The following ZMAT1 variants were observed in gnomAD, a reference collection of about 807,000 sequenced individuals.
The protein encoded by ZMAT1 is zinc finger matrin-type protein 1.
In ZMAT1, 11 loss-of-function variants were observed where a neutral mutation model predicts 18.5. That is an observed-to-expected ratio of 0.59 (90% confidence interval 0.37 to 0.98). ZMAT1 has a LOEUF of 0.98. ZMAT1 is among the 50% of genes least tolerant of loss of function. ZMAT1 has a pLI of 0.01. For synonymous variants in ZMAT1, 211 were observed against 176.4 expected (o/e 1.20, Z -1.55); for missense variants, 525 against 496.2 (o/e 1.06, Z -0.55).
At chrX:101,901,050 A>AT (rs982534270) in intron 2 of ZMAT1, among the ~76,000 whole-genome samples, 4 of 108,845 alleles carry the variant, frequency 3.7e-5, no homozygotes, top group African/African-American at 1.0e-4. Context: ...TATATTCCTA[A>AT]TTTTTTTTTC....
At chrX:101,912,217 A>G (rs1929017187) in intron 1 of ZMAT1, 3 of 400,215 alleles carry the variant, frequency 7.5e-6, no homozygotes, top group Non-Finnish European at 1.2e-5. Context: ...ACCCTCAGAG[A>G]GTTCACACTG....
At position 101,892,080 on chromosome X, in the gene ZMAT1, C is replaced by T. The variant is rs1363049188; in HGVS notation, c.677-5349G>A. ...AGAAGTGTGAAGAGAAGGAGTGTAG[C>T]GGGGGAAGAGAGTCTTGAAGAATGA... On this transcript the variant is annotated intron_variant, in intron 4 of 5. Transcript: ENST00000651725. 2.7e-5 allele frequency among the ~76,000 whole-genome samples: 3 copies of T among 110,295 alleles called. No homozygotes were observed. In the South Asian group the frequency reaches 1.2e-3, roughly 43 times the overall value.
chrX:101,896,250 C>T (rs762689318), intron 4 of ZMAT1, among the ~76,000 whole-genome samples: 3 of 111,699 alleles, frequency 2.7e-5, no homozygotes, highest in South Asian at 3.7e-4. Context: ...CAAAGTAAGG[C>T]GTCTATTCAT....
At chrX:101,901,410 A>G (rs1394824220) in intron 2 of ZMAT1, among the ~76,000 whole-genome samples, 2 of 110,658 alleles carry the variant, frequency 1.8e-5, no homozygotes, top group Non-Finnish European at 3.8e-5. Flanking sequence ...ATGCCTTTCA[A>G]CTTTTCCCTA....
chrX:101,911,247 A>T (rs1210807038), intron 1 of ZMAT1, among the ~76,000 whole-genome samples: 1 of 112,145 alleles, frequency 8.9e-6, no homozygotes, highest in Non-Finnish European at 1.9e-5. Context: ...GACGGATTTC[A>T]TCAATACCAG....
At position 101,883,484 on chromosome X, in the gene ZMAT1, A is replaced by G. The variant is rs751530869; in HGVS notation, c.*26T>C. 49 of 1,108,486 alleles carry G rather than the reference A, an allele frequency of 4.4e-5. No homozygotes were observed. Among genetic ancestry groups the G allele is most frequent in the Non-Finnish European group, 5.8e-5 (49 of 837,741 alleles). The allele number at this position is 1,108,486 out of a possible 1,213,427, so 91.4% of individuals were successfully genotyped here. ...ATTGACTGTTTTTTTTTTTCAATTC[A>G]ACCTTGGGTAAACAAAACTAAACAT... On this transcript the variant is annotated 3_prime_UTR_variant, in exon 6 of 6. Transcript: ENST00000651725.
Position 101,931,962 on chromosome X carries a change from G to C in ZMAT1, c.47C>G (p.Ser16Cys). 1.3e-6 allele frequency: 1 copy of C among 772,878 alleles called. No individual in the cohort carries two copies. Among genetic ancestry groups the C allele is most frequent in the Non-Finnish European group, 1.5e-6 (1 of 651,806 alleles). 63.7% of individuals were successfully genotyped at this position (772,878 alleles called of 1,213,427 possible). A position where few individuals can be genotyped will look rare whatever the true frequency, so the allele number is the denominator to read the frequency against. The stretch of plus-strand genomic sequence containing the variant: ...GGCAGAGACGGTAGCTTCCTGAGGG[G>C]AAGACTCCGCCGCCAGCGGGGTGAC... ...STVTPLAAES[S>C]PQEATVSAAS... is the part of the protein sequence containing the mutation. Residue 16 changes from serine to cysteine, a missense_variant, in exon 1 of 6, where the codon TCC becomes TGC. Physicochemically the swap from Ser to Cys is moderately radical, Grantham distance 112. Transcript: ENST00000651725.
intron 1 of ZMAT1, among the ~76,000 whole-genome samples, chrX:101,909,040 AGAG>A (rs1451677974): frequency 1.8e-5 from 2 of 108,693 alleles, no homozygotes; most frequent in African/African-American, 6.7e-5. Flanking sequence ...GAGAGGTAAG[AGAG>A]GAGAGGACTT....
At chrX:101,914,411 G>C (rs1049883112) in intron 1 of ZMAT1, among the ~76,000 whole-genome samples, 2 of 110,570 alleles carry the variant, frequency 1.8e-5, no homozygotes, top group African/African-American at 6.6e-5. Context: ...CAAAAAGCTG[G>C]GTTTTTTTTG....
chrX:101,913,880 G>A lies in ZMAT1; in HGVS notation c.293-9550C>T, dbSNP rs142597722. Among the ~76,000 whole-genome samples the A allele has an allele frequency of 2.2e-3, 251 of 111,703 alleles. 2 individuals carry two copies. The highest frequency in any genetic ancestry group is 6.6e-3 in the African/African-American group (203 of 30,787). On this transcript the variant is annotated intron_variant, in intron 1 of 5. Transcript: ENST00000651725. Reference sequence around the variant, plus strand: ...TTACAGAACATGTCATGCAACAACCGCAGAATACACATTCTTTTCCTTAGC... The same window carrying A: ...TTACAGAACATGTCATGCAACAACCACAGAATACACATTCTTTTCCTTAGC...
chrX:101,930,680 T>C (rs1479705215), intron 1 of ZMAT1, among the ~76,000 whole-genome samples: 3 of 112,255 alleles, frequency 2.7e-5, no homozygotes, highest in Admixed American at 9.4e-5. Context: ...CAACATAAGG[T>C]AACACAGCAA....
chrX:101,920,167 T>C (rs1417118219), intron 1 of ZMAT1, among the ~76,000 whole-genome samples: 1 of 109,900 alleles, frequency 9.1e-6, no homozygotes, highest in African/African-American at 3.3e-5. Flanking sequence ...GCCTCCCATG[T>C]AGCTGGGACT....
In ZMAT1 at chrX:101,898,274, T is replaced by C. The variant is rs1927974947; in HGVS notation, c.400-54A>G. The stretch of plus-strand genomic sequence containing the variant: ...TATTCAATAAAAGAGTCATTCAAAA[T>C]TTACACCTTTCTGAATTTGAGGATG... On this transcript the variant is annotated intron_variant, in intron 2 of 5. Coordinates refer to ENST00000651725, the MANE Select transcript of ZMAT1 (RefSeq NM_001394560.1). 2.9e-6 allele frequency: 3 copies of C among 1,041,263 alleles called. No individual in the cohort carries two copies. The Admixed American group carries it at 7.4e-5, about 26-fold the overall frequency. The allele number at this position is 1,041,263 out of a possible 1,213,427, so 85.8% of individuals were successfully genotyped here.
intron 2 of ZMAT1, among the ~76,000 whole-genome samples, 167 bp from the exon 3 acceptor site, chrX:101,898,387 T>C (rs1487752406): frequency 8.9e-6 from 1 of 112,145 alleles, no homozygotes; most frequent in Non-Finnish European, 1.9e-5. Context: ...ATGAAAATAA[T>C]GCTAAATTTA....
chrX:101,896,791 ACT>A (rs747564697), intron 4 of ZMAT1, among the ~76,000 whole-genome samples: 1 of 111,400 alleles, frequency 9.0e-6, no homozygotes, highest in South Asian at 3.8e-4. Context: ...TCCAGGGTAT[ACT>A]CTGCCATCTT....
In ZMAT1 at chrX:101,883,985, G is replaced by C; in HGVS notation, c.1613C>G (p.Ser538Cys). The C allele has an allele frequency of 8.3e-7, 1 of 1,210,704 alleles. No individual in the cohort carries two copies. The highest frequency in any genetic ancestry group is 1.1e-6 in the Non-Finnish European group (1 of 895,108). The change falls in exon 6 of 6, where the codon TCT becomes TGT. Residue 538 changes from serine to cysteine, a missense_variant. Coordinates refer to ENST00000651725, the MANE Select transcript of ZMAT1 (RefSeq NM_001394560.1). ...TCTGGTGAGTTGACAGTAGCTAATA[G>C]AATCTAGTCTCTGTTTGCTATCATG... ...PAHDSKQRLD[S>C]ISYCQLTRDC...
chrX:101,911,573 A>G (rs1928965558), intron 1 of ZMAT1: 8 of 1,147,780 alleles, frequency 7.0e-6, no homozygotes, highest in Middle Eastern at 2.4e-4. Flanking sequence ...GAGAAGCCCT[A>G]TGAATGCAAT....
chrX:101,897,832 C>T (rs764554559), intron 4 of ZMAT1, 36 bp downstream of exon 4: 2 of 1,171,776 alleles, frequency 1.7e-6, no homozygotes, highest in Admixed American at 2.2e-5. Flanking sequence ...ATAGGTAGAT[C>T]CTGCATTGAA....
At chrX:101,913,460 C>T (rs1474153558) in intron 1 of ZMAT1, among the ~76,000 whole-genome samples, 1 of 111,708 alleles carries the variant, frequency 9.0e-6, no homozygotes, top group Non-Finnish European at 1.9e-5. Context: ...TTTACCTATA[C>T]AGACACACAG....
Sources: gnomAD v4.1 joint callset for allele counts (sites outside exome capture counted in the v4.1 genomes callset) on GRCh38, gnomAD v4.1.1 for gene constraint, MANE v1.5 for transcripts, NCBI Gene and HGNC (gene_info 2026-07-23, HGNC 2026-07-21) for gene names.